MARCHF11: variants seen among roughly 807,000 people sequenced by gnomAD.
MARCHF11 encodes the protein E3 ubiquitin-protein ligase MARCHF11.
A neutral mutation model predicts 37.3 loss-of-function variants in MARCHF11; 29 were observed. That is an observed-to-expected ratio of 0.78 (90% CI 0.58 to 1.06). The LOEUF is 1.06. Among genes scored for constraint, MARCHF11 ranks in the 50% least tolerant of loss-of-function variants. The pLI, the probability that MARCHF11 is intolerant of heterozygous loss-of-function variation, is 0.00. For missense variants in MARCHF11, 482 were observed against 533.4 expected (o/e 0.90, Z 0.95); for synonymous variants, 233 against 228.0 (o/e 1.02, Z -0.20).
chr5:16,098,494 T>C (rs982606197), intron 2 of MARCHF11, among the ~76,000 whole-genome samples: 2 of 152,100 alleles, frequency 1.3e-5, no homozygotes, highest in African/African-American at 4.8e-5. Context: ...AGGCAGAGTG[T>C]GGTGGCTCAC....
Position 16,067,417 on chromosome 5 carries a change from A to G in MARCHF11, c.*54T>C. 1 of 1,529,092 alleles carries G rather than the reference A, an allele frequency of 6.5e-7. No homozygotes were observed. Among genetic ancestry groups the G allele is most frequent in the Non-Finnish European group, 8.9e-7 (1 of 1,118,794 alleles). 94.7% of individuals were successfully genotyped at this position (1,529,092 alleles called of 1,614,324 possible). A position where few individuals can be genotyped will look rare whatever the true frequency, so the allele number is the denominator to read the frequency against. ...GTGCTATGGTTTTGCCATTCACTGCAATTACATTGCAAAATGTGCAGGGTG... is the reference window on the plus strand; with the variant it reads ...GTGCTATGGTTTTGCCATTCACTGCGATTACATTGCAAAATGTGCAGGGTG... On this transcript the variant is annotated 3_prime_UTR_variant, in exon 4 of 4. Transcript: ENST00000332432.
chr5:16,115,526 T>C (rs1737214628), intron 2 of MARCHF11, among the ~76,000 whole-genome samples: 1 of 152,202 alleles, frequency 6.6e-6, no homozygotes, highest in Non-Finnish European at 1.5e-5. Context: ...AAAGCTTCCA[T>C]GGTAGCAAGC....
At chr5:16,109,138 ACAC>A (rs1462809499) in intron 2 of MARCHF11, among the ~76,000 whole-genome samples, 4 of 151,720 alleles carry the variant, frequency 2.6e-5, no homozygotes, top group South Asian at 2.1e-4. Flanking sequence ...ACACACACAC[ACAC>A]GTTTGGTCTT....
chr5:16,107,784 C>T (rs540935803), intron 2 of MARCHF11, among the ~76,000 whole-genome samples: 3 of 151,888 alleles, frequency 2.0e-5, no homozygotes, highest in Admixed American at 1.3e-4. Flanking sequence ...GGCAGAATGG[C>T]GTGGCAGAGA....
intron 3 of MARCHF11, among the ~76,000 whole-genome samples, chr5:16,068,967 G>T (rs1205967966): frequency 6.6e-6 from 1 of 152,210 alleles, no homozygotes; most frequent in Non-Finnish European, 1.5e-5. Context: ...CCTTTTAGCA[G>T]TTAGACCTTT....
chr5:16,068,637 C>G (rs1317462915), intron 3 of MARCHF11, among the ~76,000 whole-genome samples: 1 of 152,204 alleles, frequency 6.6e-6, no homozygotes, highest in Admixed American at 6.5e-5. Flanking sequence ...TTAAGTCAGA[C>G]AGGATGCACT....
Position 16,179,455 on chromosome 5 carries a change from G to C in MARCHF11, c.121C>G (p.Pro41Ala), listed in dbSNP as rs2126305665. 8.9e-7 allele frequency: 1 copy of C among 1,119,698 alleles called. No individual in the cohort carries two copies. The highest frequency in any genetic ancestry group is 1.1e-6 in the Non-Finnish European group (1 of 917,366). 69.4% of individuals were successfully genotyped at this position (1,119,698 alleles called of 1,614,324 possible). The change falls in exon 1 of 4, where the codon CCG becomes GCG. Residue 41 changes from proline to alanine, a missense_variant. Coordinates refer to ENST00000332432, the MANE Select transcript of MARCHF11 (RefSeq NM_001102562.3). ...PPTPPPGEPA[P>A]VPAAPRYLPP... ...AGGTAGCGCGGGGCCGCGGGGACCG[G>C]GGCCGGCTCTCCCGGCGGCGGCGTC...
rs368468851 is a variant in MARCHF11, at chr5:16,093,662, C to T, written c.694-2581G>A. Among the ~76,000 whole-genome samples the T allele has an allele frequency of 2.2e-4, 33 of 152,214 alleles. No homozygotes were observed. In the South Asian group the frequency reaches 6.2e-3, roughly 29 times the overall value. On this transcript the variant is annotated intron_variant, in intron 2 of 3. Coordinates refer to ENST00000332432, the MANE Select transcript of MARCHF11 (RefSeq NM_001102562.3). ...GCTCACCAGAAGCAAGAAACAGGGACGCTTCACGCTTGTTTTGGTGACAGC... is the reference window on the plus strand; with the variant it reads ...GCTCACCAGAAGCAAGAAACAGGGATGCTTCACGCTTGTTTTGGTGACAGC...
chr5:16,086,334 T>C (rs945274254), intron 3 of MARCHF11, among the ~76,000 whole-genome samples: 1 of 152,198 alleles, frequency 6.6e-6, no homozygotes, highest in African/African-American at 2.4e-5. Context: ...GGGAGTAGCA[T>C]AGCAGAATTG....
intron 3 of MARCHF11, among the ~76,000 whole-genome samples, chr5:16,088,029 C>G (rs1383309232): frequency 6.6e-6 from 1 of 152,218 alleles, no homozygotes; most frequent in East Asian, 1.9e-4. Context: ...CTTGGACAGA[C>G]AGGAAAGAGG....
At chr5:16,146,294 C>T (rs1560988513) in intron 2 of MARCHF11, among the ~76,000 whole-genome samples, 1 of 152,190 alleles carries the variant, frequency 6.6e-6, no homozygotes, top group Non-Finnish European at 1.5e-5. Flanking sequence ...CATTCAAATA[C>T]ATGGAAGTCG....
chr5:16,132,498 G>A (rs1433324705), intron 2 of MARCHF11, among the ~76,000 whole-genome samples: 8 of 152,270 alleles, frequency 5.3e-5, no homozygotes, highest in Middle Eastern at 3.4e-3. Flanking sequence ...GTTTGTACAC[G>A]GACCTCTAGT....
In MARCHF11 at chr5:16,170,234, A is replaced by C. The variant is rs114490066; in HGVS notation, c.693+7492T>G. ...CCAACAAATTATTCAAATTCCCTGA[A>C]CAAATGCTAGAAGAAACCCTTCAAA... On this transcript the variant is annotated intron_variant, in intron 2 of 3. Transcript: ENST00000332432. Among the ~76,000 whole-genome samples, 522 of 152,280 alleles carry C rather than the reference A, an allele frequency of 3.4e-3. 3 individuals are homozygous for C. Among genetic ancestry groups the C allele is most frequent in the African/African-American group, 0.012 (489 of 41,564 alleles).
At chr5:16,078,095 A>G (rs1271089224) in intron 3 of MARCHF11, among the ~76,000 whole-genome samples, 1 of 152,254 alleles carries the variant, frequency 6.6e-6, no homozygotes, top group African/African-American at 2.4e-5. Flanking sequence ...CAAGTTATTC[A>G]AGCTCAGCAT....
chr5:16,149,835 T>C (rs2126597088), intron 2 of MARCHF11, among the ~76,000 whole-genome samples: 1 of 152,088 alleles, frequency 6.6e-6, no homozygotes. Context: ...ATCCATACAA[T>C]GGAATACTAC....
intron 3 of MARCHF11, among the ~76,000 whole-genome samples, chr5:16,085,548 T>C (rs941595442): frequency 3.0e-5 from 4 of 131,594 alleles, no homozygotes; most frequent in African/African-American, 1.2e-4. Flanking sequence ...ATAGTTGGCA[T>C]GGTATGAGGA....
chr5:16,178,716 A>T (rs1738406103), intron 1 of MARCHF11, among the ~76,000 whole-genome samples: 1 of 152,236 alleles, frequency 6.6e-6, no homozygotes, highest in Non-Finnish European at 1.5e-5. Context: ...TCTAAGCATA[A>T]ACCAAAATCC....
chr5:16,095,486 G>GGA (rs1736853586), intron 2 of MARCHF11, among the ~76,000 whole-genome samples: 2 of 72,122 alleles, frequency 2.8e-5, no homozygotes, highest in African/African-American at 4.5e-5. Flanking sequence ...GGAAGGAAGG[G>GGA]AGGGAGGGAG....
At chr5:16,094,781 TAGA>T (rs968218889) in intron 2 of MARCHF11, among the ~76,000 whole-genome samples, 5 of 152,340 alleles carry the variant, frequency 3.3e-5, no homozygotes, top group African/African-American at 1.2e-4. Flanking sequence ...TTTAGTGCAC[TAGA>T]AGAAGTAATT....
Sources: allele counts gnomAD v4.1 joint callset (sites outside exome capture counted in the v4.1 genomes callset), GRCh38; gene constraint gnomAD v4.1.1; transcripts MANE v1.5; gene names NCBI Gene and HGNC (gene_info 2026-07-23, HGNC 2026-07-21).